The following NPAS3 variants were observed in gnomAD, a reference collection of about 807,000 sequenced individuals.
NPAS3 encodes neuronal PAS domain-containing protein 3.
Under a neutral mutation model 73.1 loss-of-function variants are expected in NPAS3, and 14 were observed. That is an observed-to-expected ratio of 0.19 (90% CI 0.13 to 0.30). NPAS3 has a LOEUF of 0.30. NPAS3 is among the 10% of genes least tolerant of loss of function. The pLI is 1.00. For synonymous variants in NPAS3, 620 were observed against 541.5 expected (o/e 1.14, Z -2.01); for missense variants, 1,096 against 1,250.0 (o/e 0.88, Z 1.86).
At chr14:33,507,892 T>C (rs1439002672) in intron 4 of NPAS3, among the ~76,000 whole-genome samples, 1 of 152,022 alleles carries the variant, frequency 6.6e-6, no homozygotes, top group South Asian at 2.1e-4. Context: ...TTAGTTTCCA[T>C]CTTTAATGTG....
chr14:33,785,551 A>G (rs951657059), intron 9 of NPAS3, among the ~76,000 whole-genome samples: 1 of 151,948 alleles, frequency 6.6e-6, no homozygotes, highest in Non-Finnish European at 1.5e-5. Flanking sequence ...TCTCAATCTT[A>G]TACAAACTAT....
At chr14:33,071,952 G>A (rs1229301432) in intron 2 of NPAS3, among the ~76,000 whole-genome samples, 2 of 152,030 alleles carry the variant, frequency 1.3e-5, no homozygotes, top group African/African-American at 2.4e-5. Context: ...GGGCATTGGT[G>A]CAACCTCAGC....
chr14:33,713,775 A>G (rs1028598772), intron 6 of NPAS3, among the ~76,000 whole-genome samples: 4 of 152,146 alleles, frequency 2.6e-5, no homozygotes. Context: ...GGCCTTTGTC[A>G]TCATATTTAG....
At chr14:33,785,626 T>C (rs2063147812) in intron 9 of NPAS3, among the ~76,000 whole-genome samples, 1 of 152,156 alleles carries the variant, frequency 6.6e-6, no homozygotes, top group East Asian at 1.9e-4. Context: ...ATCAAACTTT[T>C]TTTAACTTAA....
At chr14:32,957,282 CTTTA>C (rs1227844424) in intron 1 of NPAS3, among the ~76,000 whole-genome samples, 1 of 150,982 alleles carries the variant, frequency 6.6e-6, no homozygotes, top group Non-Finnish European at 1.5e-5. Flanking sequence ...GTGATAAGCT[CTTTA>C]TTAACTTTTT....
chr14:33,176,646 CT>C (rs1413140006), intron 2 of NPAS3, among the ~76,000 whole-genome samples: 1 of 152,080 alleles, frequency 6.6e-6, no homozygotes, highest in African/African-American at 2.4e-5. Context: ...TTCTTTCCAC[CT>C]TTTGGCTATT....
chr14:33,404,967 T>C (rs980664916), intron 4 of NPAS3, among the ~76,000 whole-genome samples: 6 of 152,120 alleles, frequency 3.9e-5, no homozygotes, highest in Non-Finnish European at 7.4e-5. Context: ...TTGTCTATAT[T>C]GTAATGCTTG....
chr14:33,514,401 G>T (rs2053203563), intron 4 of NPAS3, among the ~76,000 whole-genome samples: 1 of 152,034 alleles, frequency 6.6e-6, no homozygotes. Flanking sequence ...GGGCCATCCA[G>T]TTATTCCTGC....
intron 9 of NPAS3, among the ~76,000 whole-genome samples, chr14:33,785,206 C>T (rs1319101670): frequency 2.0e-5 from 3 of 151,600 alleles, no homozygotes; most frequent in Non-Finnish European, 2.9e-5. Context: ...GAGGCCAAGG[C>T]GGGTGGATCA....
intron 4 of NPAS3, among the ~76,000 whole-genome samples, chr14:33,553,358 C>G (rs1321833555): frequency 6.6e-6 from 1 of 152,140 alleles, no homozygotes; most frequent in Non-Finnish European, 1.5e-5. Flanking sequence ...ATTCTGCTGC[C>G]TCTTTATTCT....
intron 3 of NPAS3, among the ~76,000 whole-genome samples, chr14:33,270,680 GTAAT>G (rs1366060603): frequency 1.8e-4 from 27 of 152,304 alleles, no homozygotes; most frequent in Admixed American, 1.7e-3. Context: ...CTGGAAGATC[GTAAT>G]TAAAGAACAG....
At chr14:33,009,595 T>C (rs917960135) in intron 1 of NPAS3, among the ~76,000 whole-genome samples, 1 of 152,184 alleles carries the variant, frequency 6.6e-6, no homozygotes, top group Non-Finnish European at 1.5e-5. Flanking sequence ...TAAATAGTGG[T>C]AGTAGTAATA....
chr14:33,443,694 G>A (rs2049352668), intron 4 of NPAS3, among the ~76,000 whole-genome samples: 2 of 152,206 alleles, frequency 1.3e-5, no homozygotes, highest in South Asian at 4.1e-4. Flanking sequence ...GTTCCAGGAG[G>A]TCACGCTGTG....
chr14:33,333,761 T>C (rs190099671), intron 3 of NPAS3, among the ~76,000 whole-genome samples: 2 of 152,316 alleles, frequency 1.3e-5, no homozygotes, highest in Admixed American at 1.3e-4. Context: ...ATACTCTAGA[T>C]GTGACATAAC....
chr14:33,634,386 T>G (rs1345530177), intron 5 of NPAS3, among the ~76,000 whole-genome samples: 1 of 152,142 alleles, frequency 6.6e-6, no homozygotes. Context: ...GAAAATAAGG[T>G]TACACACAGT....
intron 1 of NPAS3, among the ~76,000 whole-genome samples, chr14:33,010,767 AAAAT>A (rs896794572): frequency 1.3e-5 from 2 of 151,890 alleles, no homozygotes; most frequent in Admixed American, 6.6e-5. Context: ...AGCCTGGGCA[AAAAT>A]AAATAAATAA....
intron 1 of NPAS3, among the ~76,000 whole-genome samples, chr14:33,031,394 T>C (rs1489684672): frequency 6.6e-6 from 1 of 152,246 alleles, no homozygotes; most frequent in Non-Finnish European, 1.5e-5. Context: ...TGCCTAGTTA[T>C]GGCTACAGCT....
At position 33,450,058 on chromosome 14, in the gene NPAS3, T is replaced by C. The variant is rs561860264; in HGVS notation, c.468+82790T>C. Among the ~76,000 whole-genome samples the C allele has an allele frequency of 5.3e-4, 81 of 152,220 alleles. 1 individual carries two copies. Among genetic ancestry groups the C allele is most frequent in the Non-Finnish European group, 4.3e-4 (29 of 68,034 alleles). ...TTCTGTAGAAACTTACTCGGCAGTATGTAAAGTGTTGAAATGGCTCACCCA... is the reference window on the plus strand; with the variant it reads ...TTCTGTAGAAACTTACTCGGCAGTACGTAAAGTGTTGAAATGGCTCACCCA... On this transcript the variant is annotated intron_variant, in intron 4 of 11. Coordinates refer to ENST00000356141, the Ensembl canonical transcript of NPAS3.
intron 6 of NPAS3, among the ~76,000 whole-genome samples, chr14:33,700,861 G>A (rs1206314075): frequency 6.6e-6 from 1 of 152,200 alleles, no homozygotes; most frequent in African/African-American, 2.4e-5. Context: ...AACCCAGTGT[G>A]GAAGATTTCG....
Sources: allele counts gnomAD v4.1 joint callset (sites outside exome capture counted in the v4.1 genomes callset), GRCh38; gene constraint gnomAD v4.1.1; transcripts MANE v1.5; gene names NCBI Gene and HGNC (gene_info 2026-07-23, HGNC 2026-07-21).